MCU: variants seen among roughly 807,000 people sequenced by gnomAD.
MCU encodes calcium uniporter protein, mitochondrial.
A neutral mutation model predicts 45.2 loss-of-function variants in MCU; 12 were observed. The ratio of observed to expected loss-of-function variants is 0.27; its 90% CI spans 0.17 to 0.43. The LOEUF (loss-of-function observed/expected upper bound fraction) is 0.43. Among genes scored for constraint, MCU ranks in the 20% least tolerant of loss-of-function variants. The pLI is 1.00. For missense variants in MCU, 324 were observed against 436.7 expected (o/e 0.74, Z 2.30); for synonymous variants, 160 against 165.1 (o/e 0.97, Z 0.24).
chr10:72,801,236 A>G (rs776412228), intron 1 of MCU, among the ~76,000 whole-genome samples: 11 of 152,146 alleles, frequency 7.2e-5, no homozygotes, highest in Admixed American at 2.0e-4. Flanking sequence ...TTTTCGTGTT[A>G]TTATACACTA....
At chr10:72,850,013 A>G (rs1845183929) in intron 2 of MCU, among the ~76,000 whole-genome samples, 2 of 151,762 alleles carry the variant, frequency 1.3e-5, no homozygotes, top group Admixed American at 6.6e-5. Flanking sequence ...TCCCAGGTTC[A>G]AGTAATTCTC....
chr10:72,719,773 T>C (rs1045510537), intron 1 of MCU, among the ~76,000 whole-genome samples: 3 of 152,238 alleles, frequency 2.0e-5, no homozygotes, highest in African/African-American at 7.2e-5. Context: ...TCTTAGTTAT[T>C]TTAAAATATA....
At chr10:72,754,621 C>T (rs992841879) in intron 1 of MCU, among the ~76,000 whole-genome samples, 2 of 152,202 alleles carry the variant, frequency 1.3e-5, no homozygotes, top group African/African-American at 4.8e-5. Context: ...TTGGCACACA[C>T]CTGTGGTCCC....
intron 4 of MCU, among the ~76,000 whole-genome samples, 185 bp from the exon 5 acceptor site, chr10:72,868,518 C>G (rs1222095413): frequency 6.6e-6 from 1 of 150,580 alleles, no homozygotes; most frequent in African/African-American, 2.5e-5. Context: ...CACCACTGCA[C>G]TCCAGCCTGG....
At chr10:72,804,413 A>G (rs945434713) in intron 1 of MCU, among the ~76,000 whole-genome samples, 3 of 152,138 alleles carry the variant, frequency 2.0e-5, no homozygotes, top group Non-Finnish European at 4.4e-5. Flanking sequence ...TAAAGTCAAC[A>G]AATGGCTCAA....
At chr10:72,794,182 T>G (rs1358326576) in intron 1 of MCU, among the ~76,000 whole-genome samples, 2 of 152,160 alleles carry the variant, frequency 1.3e-5, no homozygotes, top group African/African-American at 4.8e-5. Flanking sequence ...TTCATCCAAC[T>G]TCTTGGGAGT....
At chr10:72,882,880 G>A (rs550438727) in intron 6 of MCU, among the ~76,000 whole-genome samples, 16 of 152,204 alleles carry the variant, frequency 1.1e-4, no homozygotes, top group African/African-American at 1.7e-4. Flanking sequence ...GGAACCTACC[G>A]ACATGTGATG....
rs189051282 is a variant in MCU, at chr10:72,796,417, T to C, written c.151-37942T>C. Among the ~76,000 whole-genome samples, 619 of 152,206 alleles carry C rather than the reference T, an allele frequency of 4.1e-3. 2 individuals carry two copies. The highest frequency in any genetic ancestry group is 7.1e-3 in the Non-Finnish European group (480 of 68,010). On this transcript the variant is annotated intron_variant, in intron 1 of 7. Coordinates refer to ENST00000373053, the MANE Select transcript of MCU (RefSeq NM_138357.3). Reference sequence around the variant, plus strand: ...GCCTGGGTACCTGAGTGAGACTCTGTCTCTAAAAAACCACAATAACAACAA... The same window carrying C: ...GCCTGGGTACCTGAGTGAGACTCTGCCTCTAAAAAACCACAATAACAACAA...
intron 1 of MCU, among the ~76,000 whole-genome samples, chr10:72,703,953 T>G (rs1011522415): frequency 3.3e-5 from 5 of 152,150 alleles, no homozygotes; most frequent in Non-Finnish European, 5.9e-5. Context: ...TGAAATAATA[T>G]TTTTTACTAT....
chr10:72,885,445 A>G (rs1323768640), intron 7 of MCU, among the ~76,000 whole-genome samples: 1 of 152,198 alleles, frequency 6.6e-6, no homozygotes, highest in Non-Finnish European at 1.5e-5. Context: ...ATCAAGATGT[A>G]TGTCTCAGAT....
chr10:72,847,561 TTCAC>T (rs1845142180), intron 2 of MCU, among the ~76,000 whole-genome samples: 2 of 152,298 alleles, frequency 1.3e-5, no homozygotes, highest in Admixed American at 1.3e-4. Context: ...CAGCTGGGTA[TTCAC>T]TGAGAGTCTT....
chr10:72,732,270 G>A (rs1454146052), intron 1 of MCU, among the ~76,000 whole-genome samples: 1 of 152,176 alleles, frequency 6.6e-6, no homozygotes, highest in African/African-American at 2.4e-5. Context: ...TTGTCTTTCT[G>A]TTGTTTTAAG....
intron 1 of MCU, chr10:72,692,553 C>T (rs1009618061): frequency 1.0e-5 from 11 of 1,087,200 alleles, no homozygotes; most frequent in Non-Finnish European, 1.1e-5. Context: ...ACTGGGGACA[C>T]CAGGGCGGGG....
At chr10:72,757,131 G>A (rs1442350508) in intron 1 of MCU, 1 of 152,052 alleles carries the variant, frequency 6.6e-6, no homozygotes, top group African/African-American at 2.4e-5. Context: ...TATCAGTCAG[G>A]GTCTCACAAG....
At chr10:72,866,447 G>A (rs751560244) in intron 4 of MCU, among the ~76,000 whole-genome samples, 5 of 152,116 alleles carry the variant, frequency 3.3e-5, no homozygotes, top group Non-Finnish European at 5.9e-5. Flanking sequence ...TTTGAGGCTG[G>A]AGTACAGTGG....
At chr10:72,750,727 A>G (rs770418736) in intron 1 of MCU, among the ~76,000 whole-genome samples, 62 of 152,220 alleles carry the variant, frequency 4.1e-4, no homozygotes, top group Admixed American at 7.9e-4. Context: ...CACAATCAGA[A>G]TGCAGAACAG....
At chr10:72,841,590 G>T (rs923026143) in intron 2 of MCU, among the ~76,000 whole-genome samples, 1 of 152,090 alleles carries the variant, frequency 6.6e-6, no homozygotes, top group Non-Finnish European at 1.5e-5. Flanking sequence ...GAACCACCGC[G>T]CCTGACCCCA....
intron 4 of MCU, 152 bp from the exon 5 acceptor site, chr10:72,868,551 C>CAAA (rs77707370): frequency 3.8e-4 from 188 of 489,558 alleles, no homozygotes; most frequent in Non-Finnish European, 4.3e-4. Flanking sequence ...GACTTTGTCT[C>CAAA]AAAAAAAAAA....
chr10:72,695,827 C>T (rs1402182533), intron 1 of MCU, among the ~76,000 whole-genome samples: 1 of 151,554 alleles, frequency 6.6e-6, no homozygotes, highest in African/African-American at 2.4e-5. Flanking sequence ...CCTCCCACCT[C>T]GGCCTCCCCA....
Sources: gnomAD v4.1 joint callset for allele counts (sites outside exome capture counted in the v4.1 genomes callset) on GRCh38, gnomAD v4.1.1 for gene constraint, MANE v1.5 for transcripts, NCBI Gene and HGNC (gene_info 2026-07-23, HGNC 2026-07-21) for gene names.